CRYL1: variants seen among roughly 807,000 people sequenced by gnomAD.
The protein encoded by CRYL1 is lambda-crystallin homolog.
Under a neutral mutation model 36.6 loss-of-function variants are expected in CRYL1, and 29 were observed. That is an observed-to-expected ratio of 0.79 (90% CI 0.59 to 1.08). The LOEUF (loss-of-function observed/expected upper bound fraction) is 1.08. Among genes scored for constraint, CRYL1 ranks in the 50% least tolerant of loss-of-function variants. CRYL1 has a pLI of 0.00. For missense variants in CRYL1, 411 were observed against 407.9 expected (o/e 1.01, Z -0.06); for synonymous variants, 152 against 151.5 (o/e 1.00, Z -0.02).
intron 2 of CRYL1, among the ~76,000 whole-genome samples, chr13:20,497,719 A>C (rs1003033337): frequency 6.7e-6 from 1 of 150,170 alleles, no homozygotes; most frequent in Non-Finnish European, 1.5e-5. Context: ...CACACACCAC[A>C]CAAACACACA....
intron 6 of CRYL1, among the ~76,000 whole-genome samples, chr13:20,410,200 G>C (rs1256327155): frequency 6.8e-6 from 1 of 147,782 alleles, no homozygotes; most frequent in Non-Finnish European, 1.5e-5. Context: ...ATACTATGCA[G>C]CCATAAAAAT....
At chr13:20,449,620 A>G (rs1390599950) in intron 3 of CRYL1, among the ~76,000 whole-genome samples, 6 of 152,168 alleles carry the variant, frequency 3.9e-5, no homozygotes, top group Non-Finnish European at 8.8e-5. Context: ...AGGAAGAAAA[A>G]AAAAAGGCAT....
intron 5 of CRYL1, among the ~76,000 whole-genome samples, chr13:20,419,647 A>G (rs780147022): frequency 2.1e-4 from 32 of 152,160 alleles, no homozygotes; most frequent in Non-Finnish European, 4.0e-4. Flanking sequence ...ACTGGTCTCA[A>G]ACTCCTGACC....
At chr13:20,459,802 A>G (rs2032770858) in intron 3 of CRYL1, among the ~76,000 whole-genome samples, 1 of 152,188 alleles carries the variant, frequency 6.6e-6, no homozygotes, top group African/African-American at 2.4e-5. Flanking sequence ...CATGCAATTT[A>G]CTGATGCAAC....
At chr13:20,477,395 G>T (rs950089160) in intron 3 of CRYL1, among the ~76,000 whole-genome samples, 1 of 151,308 alleles carries the variant, frequency 6.6e-6, no homozygotes, top group Admixed American at 6.6e-5. Context: ...TGTTTTAGGT[G>T]TTGGAGAAAT....
chr13:20,504,688 T>C, intron 2 of CRYL1, among the ~76,000 whole-genome samples: 1 of 152,190 alleles, frequency 6.6e-6, no homozygotes, highest in Non-Finnish European at 1.5e-5. Context: ...CAGTAAAGTA[T>C]CTGCTAATGA....
intron 3 of CRYL1, among the ~76,000 whole-genome samples, chr13:20,460,557 G>A (rs1183820453): frequency 1.9e-4 from 20 of 107,566 alleles, no homozygotes; most frequent in East Asian, 6.4e-4. Flanking sequence ...ACGGAGTCTC[G>A]CTCTGTCGCC....
At position 20,447,840 on chromosome 13, in the gene CRYL1, C is replaced by A. The variant is rs1236343153; in HGVS notation, c.277-8086G>T. On this transcript the variant is annotated intron_variant, in intron 3 of 7. Transcript: ENST00000298248. ...TCAAATGCCCACAATGAAAGCAGAG[C>A]AGAAGAAAATGCTTGCCAATTCACA... Among the ~76,000 whole-genome samples, 93 of 152,122 alleles carry A rather than the reference C, an allele frequency of 6.1e-4. 2 individuals are homozygous for A. Among genetic ancestry groups the A allele is most frequent in the Admixed American group, 6.0e-3 (92 of 15,276 alleles).
intron 3 of CRYL1, among the ~76,000 whole-genome samples, chr13:20,467,101 C>T (rs556243352): frequency 1.0e-3 from 105 of 102,358 alleles, no homozygotes; most frequent in Middle Eastern, 4.3e-3. Flanking sequence ...GTGCCTGCCA[C>T]CACGCCCGGC....
intron 3 of CRYL1, among the ~76,000 whole-genome samples, chr13:20,487,078 T>C (rs1242087686): frequency 2.6e-5 from 4 of 152,242 alleles, no homozygotes; most frequent in Admixed American, 1.3e-4. Flanking sequence ...CCAGAACTAA[T>C]TCAGTTAGGG....
intron 3 of CRYL1, among the ~76,000 whole-genome samples, chr13:20,445,641 GAAA>G (rs2032436338): frequency 6.6e-6 from 1 of 152,134 alleles, no homozygotes; most frequent in Admixed American, 6.5e-5. Flanking sequence ...AACCAAGAGA[GAAA>G]ACAGACTTTA....
chr13:20,488,602 C>CAGAG (rs2033446873), intron 3 of CRYL1, among the ~76,000 whole-genome samples: 1 of 152,202 alleles, frequency 6.6e-6, no homozygotes, highest in African/African-American at 2.4e-5. Context: ...AGAATATCAA[C>CAGAG]AGAGTAACGA....
At chr13:20,517,572 G>A (rs2034023196) in intron 1 of CRYL1, among the ~76,000 whole-genome samples, 1 of 151,672 alleles carries the variant, frequency 6.6e-6, no homozygotes, top group African/African-American at 2.4e-5. Context: ...TCCAGCCTGG[G>A]CAACAAGAGC....
intron 3 of CRYL1, chr13:20,473,108 G>A (rs1163969812): frequency 6.6e-6 from 1 of 152,238 alleles, no homozygotes; most frequent in Non-Finnish European, 1.5e-5. Flanking sequence ...GTTAAAGAAG[G>A]TGAGGTAAAA....
chr13:20,512,366 T>G, intron 2 of CRYL1, 77 bp downstream of exon 2: 67 of 1,010,024 alleles, frequency 6.6e-5, no homozygotes, highest in Non-Finnish European at 9.6e-5. Context: ...CTCATAGCCT[T>G]GAGGATATGA....
At chr13:20,442,937 C>T (rs368062597) in intron 3 of CRYL1, among the ~76,000 whole-genome samples, 1 of 152,178 alleles carries the variant, frequency 6.6e-6, no homozygotes, top group African/African-American at 2.4e-5. Context: ...ACTGTTCTGT[C>T]AGAAGGATCA....
chr13:20,438,043 T>C (rs958496809), intron 4 of CRYL1, among the ~76,000 whole-genome samples: 1 of 152,208 alleles, frequency 6.6e-6, no homozygotes, highest in African/African-American at 2.4e-5. Context: ...TCCCTCGTAA[T>C]GCTAATCTCA....
intron 4 of CRYL1, 70 bp downstream of exon 4, chr13:20,439,523 A>AAAAAAG: frequency 1.5e-5 from 15 of 987,796 alleles, no homozygotes; most frequent in South Asian, 1.3e-4. Context: ...GCAAAAAAAA[A>AAAAAAG]AAAAAAAGAA....
Position 20,428,164 on chromosome 13 carries a change from A to C in CRYL1, c.633+3938T>G, listed in dbSNP as rs188956872. 1.3e-4 allele frequency among the ~76,000 whole-genome samples: 20 copies of C among 152,218 alleles called. 1 individual carries two copies. Among genetic ancestry groups the C allele is most frequent in the Non-Finnish European group, 2.8e-4 (19 of 68,038 alleles). On this transcript the variant is annotated intron_variant, in intron 5 of 7. Coordinates refer to ENST00000298248, the MANE Select transcript of CRYL1 (RefSeq NM_015974.3). ...GAGGAAGAACTTCCCAATTCATTGT[A>C]TGCAGCTAGAACAGGCTGAGTATCC...
Sources: allele counts gnomAD v4.1 joint callset (sites outside exome capture counted in the v4.1 genomes callset), GRCh38; gene constraint gnomAD v4.1.1; transcripts MANE v1.5; gene names NCBI Gene and HGNC (gene_info 2026-07-23, HGNC 2026-07-21).